The following FGF13 variants were observed in gnomAD, a reference collection of about 807,000 sequenced individuals.
FGF13 encodes the protein fibroblast growth factor 13, also known as fibroblast growth factor homologous factor 2.
FGF13 carries 2 observed loss-of-function variants against 19.5 expected under a neutral mutation model. The ratio of observed to expected loss-of-function variants is 0.10; its 90% CI spans 0.04 to 0.32. The LOEUF (loss-of-function observed/expected upper bound fraction) is 0.32. Among genes scored for constraint, FGF13 ranks in the 10% least tolerant of loss-of-function variants. FGF13 has a pLI of 1.00. For synonymous variants in FGF13, 72 were observed against 76.9 expected, an observed-to-expected ratio of 0.94 and a Z score of 0.33; for missense variants, 113 against 192.7, an observed-to-expected ratio of 0.59 and a Z score of 2.45.
intron 1 of FGF13, among the ~76,000 whole-genome samples, chrX:139,105,071 C>G (rs1218157309): frequency 9.0e-6 from 1 of 110,592 alleles, no homozygotes; most frequent in East Asian, 2.8e-4. Flanking sequence ...AAGACCATTG[C>G]TAATACCAAC....
At chrX:139,044,486 C>G (rs1438649460) in intron 1 of FGF13, among the ~76,000 whole-genome samples, 1 of 111,450 alleles carries the variant, frequency 9.0e-6, no homozygotes, top group East Asian at 2.8e-4. Flanking sequence ...CCCACCAGGT[C>G]CCGTCTCCAG....
chrX:138,933,888 T>C (rs2091717802), intron 1 of FGF13, among the ~76,000 whole-genome samples: 3 of 111,965 alleles, frequency 2.7e-5, no homozygotes. Context: ...TAGTCATCTT[T>C]CGATTTGCAG....
chrX:138,994,624 T>A (rs184041763), intron 1 of FGF13, among the ~76,000 whole-genome samples: 17 of 111,354 alleles, frequency 1.5e-4, no homozygotes, highest in African/African-American at 5.2e-4. Flanking sequence ...ATAGTGTGTG[T>A]TTTCATTTAG....
At chrX:139,039,541 G>T (rs2092262185) in intron 1 of FGF13, among the ~76,000 whole-genome samples, 1 of 111,811 alleles carries the variant, frequency 8.9e-6, no homozygotes, top group African/African-American at 3.2e-5. Context: ...CTACTGTTTT[G>T]CTTATGTATT....
chrX:139,198,715 T>C (rs2084392983), intron 1 of FGF13, among the ~76,000 whole-genome samples: 1 of 111,188 alleles, frequency 9.0e-6, no homozygotes, highest in Non-Finnish European at 1.9e-5. Context: ...ATTTCTTTTC[T>C]AATAACCCCT....
chrX:139,048,141 C>A (rs900143842), intron 1 of FGF13, among the ~76,000 whole-genome samples: 4 of 111,194 alleles, frequency 3.6e-5, no homozygotes, highest in African/African-American at 1.3e-4. Context: ...TTTTACATTA[C>A]TTTTAATATA....
At position 138,624,469 on chromosome X, in the gene FGF13, T is replaced by A. The variant is rs1184898775; in HGVS notation, c.*8381A>T. 8.9e-6 allele frequency: 1 copy of A among 112,484 alleles called. No individual in the cohort carries two copies. Among genetic ancestry groups the A allele is most frequent in the Non-Finnish European group, 1.9e-5 (1 of 53,335 alleles). The allele number at this position is 112,484 out of a possible 1,213,427, so 9.3% of individuals were successfully genotyped here. On this transcript the variant is annotated 3_prime_UTR_variant, in exon 5 of 5. Coordinates refer to ENST00000315930, the MANE Select transcript of FGF13 (RefSeq NM_004114.5). ...AACATAAGACCTAAAATTGTAAAAT[T>A]ACTAGAATAAGAAATAATGTCTATG...
At chrX:138,975,787 TAA>T (rs1222180110) in intron 1 of FGF13, among the ~76,000 whole-genome samples, 16 of 110,681 alleles carry the variant, frequency 1.4e-4, no homozygotes, top group African/African-American at 4.9e-4. Flanking sequence ...AGAATGAGGG[TAA>T]GAGCAAATTG....
intron 1 of FGF13, among the ~76,000 whole-genome samples, chrX:139,157,071 A>G (rs1192258132): frequency 9.0e-6 from 1 of 111,707 alleles, no homozygotes; most frequent in East Asian, 2.8e-4. Context: ...AGCATCTACC[A>G]TATGCCAGCC....
chrX:139,145,494 A>C (rs1363907110), intron 1 of FGF13, among the ~76,000 whole-genome samples: 1 of 110,823 alleles, frequency 9.0e-6, no homozygotes, highest in African/African-American at 3.3e-5. Context: ...AGCTTCAAAA[A>C]TGCTGTTCAT....
chrX:138,911,344 T>C lies in FGF13; in HGVS notation c.-112-46694A>G, dbSNP rs1429200817. The stretch of plus-strand genomic sequence containing the variant: ...GGATGGAGCTGGAGGCCATCATCCC[T>C]AGCAAACTAATGCAGGAACAGAAAA... On this transcript the variant is annotated intron_variant, in intron 1 of 2. Coordinates refer to the FGF13 transcript ENST00000421460. Among the ~76,000 whole-genome samples the C allele has an allele frequency of 1.3e-4, 14 of 110,359 alleles. No homozygotes were observed. The East Asian group carries it at 4.0e-3, about 32-fold the overall frequency.
At chrX:139,063,015 T>C (rs987058574) in intron 1 of FGF13, among the ~76,000 whole-genome samples, 1 of 111,897 alleles carries the variant, frequency 8.9e-6, no homozygotes, top group Non-Finnish European at 1.9e-5. Context: ...TTGCTTTAAA[T>C]TGGTTAACTG....
At chrX:138,864,854 G>A (rs1016312005) in intron 1 of FGF13, among the ~76,000 whole-genome samples, 2 of 111,960 alleles carry the variant, frequency 1.8e-5, no homozygotes, top group Non-Finnish European at 3.8e-5. Flanking sequence ...ACATCTCAAT[G>A]GTACCATCAG....
chrX:138,766,799 G>A (rs1171360507), intron 3 of FGF13, among the ~76,000 whole-genome samples: 1 of 111,922 alleles, frequency 8.9e-6, no homozygotes, highest in Non-Finnish European at 1.9e-5. Flanking sequence ...TATAGTTTGA[G>A]GTCTTACATT....
At chrX:138,905,774 C>T (rs1335154043) in intron 1 of FGF13, among the ~76,000 whole-genome samples, 4 of 111,932 alleles carry the variant, frequency 3.6e-5, no homozygotes, top group South Asian at 7.5e-4. Context: ...GGAGAAAGTC[C>T]ACATTAGAGC....
At chrX:138,959,753 T>C (rs1214529780) in intron 1 of FGF13, among the ~76,000 whole-genome samples, 2 of 112,115 alleles carry the variant, frequency 1.8e-5, no homozygotes, top group Non-Finnish European at 3.8e-5. Flanking sequence ...TCTTGTTGAA[T>C]TGATCCCTTT....
chrX:139,069,047 C>G (rs1464742133), intron 1 of FGF13, among the ~76,000 whole-genome samples: 1 of 106,520 alleles, frequency 9.4e-6, no homozygotes, highest in East Asian at 3.0e-4. Flanking sequence ...TTGTGGAAGT[C>G]AGTGTGGCAA....
At chrX:138,662,877 C>A (rs2089502884) in intron 3 of FGF13, among the ~76,000 whole-genome samples, 1 of 111,590 alleles carries the variant, frequency 9.0e-6, no homozygotes, top group African/African-American at 3.3e-5. Flanking sequence ...AGCTGACAGG[C>A]ATAAGATTTG....
intron 3 of FGF13, among the ~76,000 whole-genome samples, chrX:138,757,728 A>G (rs1229278233): frequency 9.0e-6 from 1 of 111,537 alleles, no homozygotes; most frequent in Non-Finnish European, 1.9e-5. Flanking sequence ...ACAGGCAAGG[A>G]GATGTGGGAC....
Sources: gnomAD v4.1 joint callset for allele counts (sites outside exome capture counted in the v4.1 genomes callset) on GRCh38, gnomAD v4.1.1 for gene constraint, MANE v1.5 for transcripts, NCBI Gene and HGNC (gene_info 2026-07-23, HGNC 2026-07-21) for gene names.